C8orf34: variants seen among roughly 807,000 people sequenced by gnomAD.
The protein encoded by C8orf34 is uncharacterized protein C8orf34.
Under a neutral mutation model 68.3 loss-of-function variants are expected in C8orf34, and 65 were observed. The ratio of observed to expected loss-of-function variants is 0.95; its 90% confidence interval spans 0.78 to 1.17. The LOEUF is 1.17. Among genes scored for constraint, C8orf34 ranks in the 50% most tolerant of loss-of-function variants. C8orf34 has a pLI of 0.00. For synonymous variants in C8orf34, 244 were observed against 241.2 expected (o/e 1.01, Z -0.11); for missense variants, 664 against 655.4 (o/e 1.01, Z -0.14).
chr8:68,653,562 G>T (rs1819424905), intron 8 of C8orf34, among the ~76,000 whole-genome samples: 1 of 152,204 alleles, frequency 6.6e-6, no homozygotes, highest in Admixed American at 6.5e-5. Context: ...GAGGCTGGAA[G>T]TCTGAGATTG....
At chr8:68,709,290 G>A (rs1473325824) in intron 9 of C8orf34, among the ~76,000 whole-genome samples, 1 of 152,156 alleles carries the variant, frequency 6.6e-6, no homozygotes. Context: ...ATTCTGAGGA[G>A]TAATCTCTTT....
intron 8 of C8orf34, among the ~76,000 whole-genome samples, chr8:68,705,794 G>GA (rs941368520): frequency 6.3e-4 from 94 of 149,126 alleles, no homozygotes; most frequent in East Asian, 4.5e-3. Context: ...ATGATAGTGG[G>GA]AAAAAAAAAC....
intron 6 of C8orf34, among the ~76,000 whole-genome samples, chr8:68,524,034 T>A (rs954711797): frequency 6.6e-6 from 1 of 152,214 alleles, no homozygotes; most frequent in Non-Finnish European, 1.5e-5. Flanking sequence ...TAAATAAAGC[T>A]TATTGATGAG....
At chr8:68,350,586 A>G (rs188986828) in intron 1 of C8orf34, among the ~76,000 whole-genome samples, 40 of 152,120 alleles carry the variant, frequency 2.6e-4, no homozygotes, top group Middle Eastern at 3.4e-3. Flanking sequence ...GTAGGTCTCT[A>G]AGAACTTGCT....
chr8:68,490,415 T>C (rs1185732142), intron 5 of C8orf34, among the ~76,000 whole-genome samples: 1 of 152,122 alleles, frequency 6.6e-6, no homozygotes, highest in Non-Finnish European at 1.5e-5. Flanking sequence ...CTGAAACAGA[T>C]ATAACCCTCA....
chr8:68,545,698 T>A (rs1355407945), intron 7 of C8orf34, among the ~76,000 whole-genome samples: 1 of 152,126 alleles, frequency 6.6e-6, no homozygotes, highest in African/African-American at 2.4e-5. Context: ...GAACATGTTA[T>A]CAGCAGACCT....
chr8:68,514,422 C>T (rs1236975447), intron 5 of C8orf34, among the ~76,000 whole-genome samples: 3 of 152,166 alleles, frequency 2.0e-5, no homozygotes, highest in African/African-American at 7.2e-5. Flanking sequence ...TATTATCATG[C>T]AAGGCAACCA....
At chr8:68,560,977 A>ATT (rs1197188539) in intron 7 of C8orf34, among the ~76,000 whole-genome samples, 23 of 139,930 alleles carry the variant, frequency 1.6e-4, no homozygotes, top group Non-Finnish European at 2.4e-4. Context: ...TTTTAATTTA[A>ATT]TTTTTTTTTT....
At chr8:68,380,139 G>A (rs1355880410) in intron 1 of C8orf34, among the ~76,000 whole-genome samples, 2 of 152,196 alleles carry the variant, frequency 1.3e-5, no homozygotes, top group African/African-American at 4.8e-5. Flanking sequence ...TGGAATTATA[G>A]GCGTGAGCCA....
intron 8 of C8orf34, among the ~76,000 whole-genome samples, chr8:68,661,198 T>C (rs1529830): frequency 0.67 from 102,020 of 152,170 alleles, 35,720 homozygotes; most frequent in African/African-American, 0.87. Context: ...CATGCACATG[T>C]AGCAGACATG....
rs1483452755 is a variant in C8orf34, at chr8:68,748,364, A to C, written c.1404+26927A>C. 4.0e-5 allele frequency among the ~76,000 whole-genome samples: 6 copies of C among 148,230 alleles called. No individual in the cohort carries two copies. The East Asian group carries it at 7.8e-4, about 19-fold the overall frequency. On this transcript the variant is annotated intron_variant, in intron 10 of 13. Coordinates refer to ENST00000518698, the MANE Select transcript of C8orf34 (RefSeq NM_052958.4). Reference sequence around the variant, plus strand: ...GTCTAAAACACCAAAAGCAATGGCAACAAAAGCCAAAATTGACAAATGGGA... The same window carrying C: ...GTCTAAAACACCAAAAGCAATGGCACCAAAAGCCAAAATTGACAAATGGGA...
At chr8:68,739,900 G>A (rs1389577667) in intron 10 of C8orf34, among the ~76,000 whole-genome samples, 1 of 152,032 alleles carries the variant, frequency 6.6e-6, no homozygotes, top group Non-Finnish European at 1.5e-5. Flanking sequence ...CATGGTACTG[G>A]TACAAAAACA....
Position 68,709,211 on chromosome 8 carries a change from G to A in C8orf34, c.1327+132G>A, listed in dbSNP as rs372142631. 337 of 677,544 alleles carry A rather than the reference G, an allele frequency of 5.0e-4. 1 individual carries two copies. The highest frequency in any genetic ancestry group is 3.9e-3 in the African/African-American group (218 of 55,212). The allele number at this position is 677,544 out of a possible 1,614,324, so 42.0% of individuals were successfully genotyped here. ...TGCAGCTGCACGTCACATATCTACCGCTGGCACACTCCTTGGGGCTGTTTG... is the reference window on the plus strand; with the variant it reads ...TGCAGCTGCACGTCACATATCTACCACTGGCACACTCCTTGGGGCTGTTTG... On this transcript the variant is annotated intron_variant, in intron 9 of 13. Transcript: ENST00000518698.
At chr8:68,797,202 GGAA>G (rs1200590292) in intron 12 of C8orf34, among the ~76,000 whole-genome samples, 7 of 152,262 alleles carry the variant, frequency 4.6e-5, no homozygotes, top group South Asian at 2.1e-4. Context: ...ATTAATTTTT[GGAA>G]GAAGAAGTGC....
intron 1 of C8orf34, among the ~76,000 whole-genome samples, chr8:68,387,694 A>G (rs1808317807): frequency 6.6e-6 from 1 of 152,168 alleles, no homozygotes; most frequent in Admixed American, 6.5e-5. Flanking sequence ...AACCTCGTAG[A>G]AAACCATTCT....
Position 68,493,427 on chromosome 8 carries a change from T to G in C8orf34, c.765+5376T>G, listed in dbSNP as rs60663897. ...GAAAAAAACACGATGAGATACCCTC[T>G]GAGACCCATTAGGATGGCCACTATC... On this transcript the variant is annotated intron_variant, in intron 5 of 13. Transcript: ENST00000518698. Among the ~76,000 whole-genome samples, 1,286 of 152,254 alleles carry G rather than the reference T, an allele frequency of 8.4e-3. 18 individuals carry two copies. The highest frequency in any genetic ancestry group is 0.027 in the African/African-American group (1,130 of 41,546).
intron 5 of C8orf34, among the ~76,000 whole-genome samples, chr8:68,496,023 A>G (rs1490522771): frequency 6.6e-6 from 1 of 152,108 alleles, no homozygotes; most frequent in Non-Finnish European, 1.5e-5. Context: ...ACCACAAGAC[A>G]TTTTCTTTGT....
Position 68,331,050 on chromosome 8 carries a change from C to A in C8orf34, c.38C>A (p.Ala13Glu), listed in dbSNP as rs772019037. ...CTCGCCTCGGAGTTGTCTGAGTTGG[C>A]GGCGCTGCGCCCAGGCTTCCGGCTC... is the stretch of plus-strand genomic sequence containing the variant. ...SPLASELSELAALRPGFRLSA... is the reference protein window; with the variant it reads ...SPLASELSELEALRPGFRLSA... Residue 13 changes from alanine to glutamate, a missense_variant, in exon 1 of 14, where the codon GCG becomes GAG. Ala to Glu is a moderately radical substitution (Grantham distance 107). Transcript: ENST00000518698. 22 of 1,475,890 alleles carry A rather than the reference C, an allele frequency of 1.5e-5. No individual in the cohort carries two copies. The highest frequency in any genetic ancestry group is 2.0e-5 in the Non-Finnish European group (22 of 1,124,996). 91.4% of individuals were successfully genotyped at this position (1,475,890 alleles called of 1,614,324 possible).
At chr8:68,637,559 A>G (rs185130065) in intron 7 of C8orf34, among the ~76,000 whole-genome samples, 15 of 152,248 alleles carry the variant, frequency 9.9e-5, no homozygotes, top group Admixed American at 9.2e-4. Context: ...GAAAAAAGAA[A>G]TTGTTCATGA....
Sources: allele counts gnomAD v4.1 joint callset (sites outside exome capture counted in the v4.1 genomes callset), GRCh38; gene constraint gnomAD v4.1.1; transcripts MANE v1.5; gene names NCBI Gene and HGNC (gene_info 2026-07-23, HGNC 2026-07-21).